Variants in TEX15 observed in about 807,000 individuals in gnomAD.
The protein encoded by TEX15 is testis-expressed protein 15.
A neutral mutation model predicts 237.3 loss-of-function variants in TEX15; 171 were observed. The observed-to-expected ratio is 0.72, with a 90% CI of 0.64 to 0.82. TEX15 has a LOEUF of 0.82. Among genes scored for constraint, TEX15 ranks in the 40% least tolerant of loss-of-function variants. The pLI is 0.00. For missense variants in TEX15, 3,750 were observed against 3,646.5 expected (o/e 1.03, Z -0.73); for synonymous variants, 1,338 against 1,269.8 (o/e 1.05, Z -1.14).
At position 30,846,516 on chromosome 8, in the gene TEX15, T is replaced by C. The variant is rs1380027747; in HGVS notation, c.3651A>G (p.Pro1217=). 2 of 1,613,632 alleles carry C rather than the reference T, an allele frequency of 1.2e-6. No individual in the cohort carries two copies. The highest frequency in any genetic ancestry group is 1.3e-5 in the African/African-American group (1 of 74,924). Residue 1217 remains proline (P), a synonymous_variant, in exon 8 of 11, where the codon CCA becomes CCG. Transcript: ENST00000643185. ...SQPFGENADY[P]CEDKVDNIRQ... ...TTATATTATCAACTTTATCTTCACA[T>C]GGATAATCTGCATTTTCACCAAAAG...
chr8:30,867,224 C>T (rs1808191994), intron 5 of TEX15, 41 bp downstream of exon 5: 1 of 975,552 alleles, frequency 1.0e-6, no homozygotes, highest in South Asian at 1.5e-5. Context: ...CAATTCAAAG[C>T]AAACTGTCCA....
chr8:30,873,052 C>T (rs1462023344), intron 4 of TEX15, among the ~76,000 whole-genome samples: 13 of 152,212 alleles, frequency 8.5e-5, no homozygotes, highest in Middle Eastern at 3.4e-3. Context: ...TTCCACTCTA[C>T]GATGTTTACA....
At chr8:30,888,378 C>T (rs1808710376) in intron 2 of TEX15, among the ~76,000 whole-genome samples, 1 of 152,172 alleles carries the variant, frequency 6.6e-6, no homozygotes, top group Admixed American at 6.5e-5. Flanking sequence ...CAGCCAATCG[C>T]TTATTGACTA....
intron 1 of TEX15, among the ~76,000 whole-genome samples, chr8:30,901,684 G>A (rs969794706): frequency 6.6e-6 from 1 of 152,186 alleles, no homozygotes; most frequent in African/African-American, 2.4e-5. Context: ...GCAGAGAAAT[G>A]AAGTAATCAG....
intron 5 of TEX15, among the ~76,000 whole-genome samples, chr8:30,863,665 C>A (rs1459644817): frequency 6.6e-6 from 1 of 151,214 alleles, no homozygotes; most frequent in Non-Finnish European, 1.5e-5. Context: ...TATTTTGCAG[C>A]CAGACATAAA....
intron 2 of TEX15, among the ~76,000 whole-genome samples, chr8:30,896,629 G>C (rs1460500734): frequency 6.6e-6 from 1 of 151,682 alleles, no homozygotes; most frequent in African/African-American, 2.4e-5. Context: ...AAAAGATTTA[G>C]ACAAGCAGAA....
At chr8:30,903,708 A>G (rs917715964) in intron 1 of TEX15, among the ~76,000 whole-genome samples, 4 of 152,302 alleles carry the variant, frequency 2.6e-5, no homozygotes, top group African/African-American at 9.6e-5. Flanking sequence ...AATATAACAA[A>G]TGCCATCCTC....
chr8:30,838,910 A>G (rs1291163304), intron 9 of TEX15, among the ~76,000 whole-genome samples: 12 of 147,722 alleles, frequency 8.1e-5, no homozygotes, highest in Non-Finnish European at 1.5e-4. Flanking sequence ...CCGCCTCCCA[A>G]GTTCAAATGA....
At chr8:30,835,444 C>T (rs1161912978) in intron 10 of TEX15, among the ~76,000 whole-genome samples, 1 of 151,910 alleles carries the variant, frequency 6.6e-6, no homozygotes, top group African/African-American at 2.4e-5. Flanking sequence ...CATGGTGATG[C>T]ATGCCTGTAG....
intron 5 of TEX15, among the ~76,000 whole-genome samples, chr8:30,865,384 T>C (rs1299635421): frequency 6.6e-6 from 1 of 151,986 alleles, no homozygotes; most frequent in Non-Finnish European, 1.5e-5. Context: ...CTAACCAACA[T>C]TAAAGAATAA....
chr8:30,867,129 A>G lies in TEX15; in HGVS notation c.540+136T>C, dbSNP rs188440243. 754 of 364,806 alleles carry G rather than the reference A, an allele frequency of 2.1e-3. 9 individuals are homozygous for G. Among genetic ancestry groups the G allele is most frequent in the African/African-American group, 0.015 (700 of 47,828 alleles). 22.6% of individuals were successfully genotyped at this position (364,806 alleles called of 1,614,324 possible). On this transcript the variant is annotated intron_variant, in intron 5 of 10. Coordinates refer to ENST00000643185, the MANE Select transcript of TEX15 (RefSeq NM_001350162.2). ...GAAAATTTTGAATAATGATGACAAA[A>G]ATAATAAATATAATTATTACTTATT...
chr8:30,845,269 T>G lies in TEX15; in HGVS notation c.4898A>C (p.Asn1633Thr). Residue 1633 changes from asparagine to threonine, a missense_variant, in exon 8 of 11, where the codon AAC becomes ACC. Coordinates refer to ENST00000643185, the MANE Select transcript of TEX15 (RefSeq NM_001350162.2). ...ACCTATGCAAGTTGCATCACAATCG[T>G]TGCCTGTACTAGAATTTATGTTTTC... ...IKENINSSTG[N>T]DCDATCIGHT... 6.2e-7 allele frequency: 1 copy of G among 1,613,262 alleles called. No individual in the cohort carries two copies. Among genetic ancestry groups the G allele is most frequent in the South Asian group, 1.1e-5 (1 of 91,016 alleles).
Position 30,846,474 on chromosome 8 carries a change from T to C in TEX15, c.3693A>G (p.Pro1231=), listed in dbSNP as rs761985553. The C allele has an allele frequency of 6.2e-7, 1 of 1,613,344 alleles. No individual in the cohort carries two copies. Among genetic ancestry groups the C allele is most frequent in the Non-Finnish European group, 8.5e-7 (1 of 1,179,710 alleles). Residue 1231 remains proline, a synonymous_variant, in exon 8 of 11, where the codon CCA becomes CCG. Transcript: ENST00000643185. Reference sequence around the variant, plus strand: ...AAAGGGAGATTTCAGAGTTACTCACTGGCCCTGATTCTTGCCTTATATTAT... The same window carrying C: ...AAAGGGAGATTTCAGAGTTACTCACCGGCCCTGATTCTTGCCTTATATTAT... The part of the protein sequence containing the change: ...KVDNIRQESG[P]VSNSEISLSF...
rs147871035 is a variant in TEX15 at position 30,842,476 on chromosome 8, G to C, written c.7691C>G (p.Thr2564Arg). The stretch of plus-strand genomic sequence containing the variant: ...TATATATGGCACAAAGTCAATATAT[G>C]TGGAAATAAAATACTTGGACTTCTT... ...LLKKSKYFISTYIDFVPYIAS... is the reference protein window; with the variant it reads ...LLKKSKYFISRYIDFVPYIAS... The change falls in exon 8 of 11, where the codon ACA becomes AGA. Residue 2564 changes from threonine (T) to arginine (R), a missense_variant. Physicochemically the swap from Thr to Arg is moderately conservative, Grantham distance 71. Coordinates refer to ENST00000643185, the MANE Select transcript of TEX15 (RefSeq NM_001350162.2). 1.2e-6 allele frequency: 2 copies of C among 1,612,980 alleles called. No homozygotes were observed. Among genetic ancestry groups the C allele is most frequent in the African/African-American group, 2.7e-5 (2 of 74,898 alleles).
chr8:30,874,957 T>C lies in TEX15; in HGVS notation c.282A>G (p.Glu94=). 7.5e-7 allele frequency: 1 copy of C among 1,342,230 alleles called. No homozygotes were observed. Among genetic ancestry groups the C allele is most frequent in the Non-Finnish European group, 9.5e-7 (1 of 1,047,366 alleles). 83.1% of individuals were successfully genotyped at this position (1,342,230 alleles called of 1,614,324 possible). A position where few individuals can be genotyped will look rare whatever the true frequency, so the allele number is the denominator to read the frequency against. The change falls in exon 4 of 11, where the codon GAA becomes GAG. Residue 94 remains glutamate, a synonymous_variant. Coordinates refer to ENST00000643185, the MANE Select transcript of TEX15 (RefSeq NM_001350162.2). The part of the protein sequence containing the change: ...DTKLVHNEEL[E]KNFTAKRSEM... ...CTTACCTCTTAGCAGTAAAATTTTT[T>C]TCCAGTTCCTCATTGTGAACCAGTT...
In TEX15 at chr8:30,833,233, A is replaced by G. The variant is rs1266408370; in HGVS notation, c.*53T>C. 1 of 1,297,850 alleles carries G rather than the reference A, an allele frequency of 7.7e-7. No homozygotes were observed. Among genetic ancestry groups the G allele is most frequent in the Non-Finnish European group, 1.1e-6 (1 of 934,072 alleles). 80.4% of individuals were successfully genotyped at this position (1,297,850 alleles called of 1,614,324 possible). A position where few individuals can be genotyped will look rare whatever the true frequency, so the allele number is the denominator to read the frequency against. Reference sequence around the variant, plus strand: ...TAAATGTTAAAAAATATATAAGTAAAAAATATTTGGAAAAACTTGTTATGT... The same window carrying G: ...TAAATGTTAAAAAATATATAAGTAAGAAATATTTGGAAAAACTTGTTATGT... On this transcript the variant is annotated 3_prime_UTR_variant, in exon 11 of 11. Coordinates refer to ENST00000643185, the MANE Select transcript of TEX15 (RefSeq NM_001350162.2).
At chr8:30,854,491 G>A (rs1807862825) in intron 7 of TEX15, among the ~76,000 whole-genome samples, 1 of 152,082 alleles carries the variant, frequency 6.6e-6, no homozygotes, top group African/African-American at 2.4e-5. Context: ...GAAACTGAAT[G>A]AGTAATTGAA....
At chr8:30,878,457 C>T (rs984838761) in intron 3 of TEX15, among the ~76,000 whole-genome samples, 1 of 152,120 alleles carries the variant, frequency 6.6e-6, no homozygotes, top group Admixed American at 6.6e-5. Context: ...GATCTCGGCT[C>T]ACCACAACCT....
At chr8:30,912,333 CTCCCG>C (rs1809242826) in intron 1 of TEX15, among the ~76,000 whole-genome samples, 2 of 620 alleles carry the variant, frequency 3.2e-3, no homozygotes, top group African/African-American at 0.01. Flanking sequence ...GGCGGCGGGG[CTCCCG>C]CCCCCTCCCC....
Sources: gnomAD v4.1 joint callset for allele counts (sites outside exome capture counted in the v4.1 genomes callset) on GRCh38, gnomAD v4.1.1 for gene constraint, MANE v1.5 for transcripts, NCBI Gene and HGNC (gene_info 2026-07-23, HGNC 2026-07-21) for gene names.